Variants in TTN observed in about 807,000 individuals in gnomAD.
TTN encodes the protein titin.
TTN carries 1,525 observed loss-of-function variants against 3,223.0 expected under a neutral mutation model. The ratio of observed to expected loss-of-function variants is 0.47; its 90% CI spans 0.45 to 0.49. The LOEUF is 0.49. Ranked by LOEUF, TTN falls within the 20% of genes least tolerant of loss-of-function variation. The probability of loss-of-function intolerance (pLI) is 0.00; values close to 1 mark genes in which losing one functional copy is unlikely to be tolerated. For missense variants in TTN, 40,786 were observed against 43,424.0 expected, an observed-to-expected ratio of 0.94 and a Z score of 5.40; for synonymous variants, 14,094 against 15,161.0, an observed-to-expected ratio of 0.93 and a Z score of 5.17.
At chr2:178,603,060 A>G (rs981359877) in intron 282 of TTN, among the ~76,000 whole-genome samples, 3 of 152,010 alleles carry the variant, frequency 2.0e-5, no homozygotes, top group Non-Finnish European at 4.4e-5. Flanking sequence ...TAATCCCATA[A>G]CAATCCTTTA....
At chr2:178,762,427 A>C (rs927864416) in intron 43 of TTN, among the ~76,000 whole-genome samples, 5 of 152,146 alleles carry the variant, frequency 3.3e-5, no homozygotes, top group Admixed American at 6.5e-5. Context: ...TTCTCTTTCT[A>C]CCCCAATTGG....
Position 178,790,797 on chromosome 2 carries a change from T to C in TTN, c.1711A>G (p.Thr571Ala), listed in dbSNP as rs957389323. 1.2e-6 allele frequency: 2 copies of C among 1,614,070 alleles called. No individual in the cohort carries two copies. Among genetic ancestry groups the C allele is most frequent in the Non-Finnish European group, 1.7e-6 (2 of 1,180,020 alleles). ...GTTTCTAGTTTTGTGGACTTTGCAG[T>C]GGCAACTACCACCATGGATGCAGCA... ...ITAASMVVVA[T>A]AKSTKLETVP... Residue 571 changes from threonine to alanine, a missense_variant, in exon 11 of 363, where the codon ACT becomes GCT. Transcript: ENST00000589042.
At chr2:178,765,095 G>A (rs543595472) in intron 41 of TTN, among the ~76,000 whole-genome samples, 1 of 152,180 alleles carries the variant, frequency 6.6e-6, no homozygotes, top group African/African-American at 2.4e-5. Context: ...CCCAGTTTCT[G>A]TTTGTGGTGG....
chr2:178,536,488 C>T lies in TTN; in HGVS notation c.100259G>A (p.Gly33420Glu). The T allele has an allele frequency of 6.4e-7, 1 of 1,573,040 alleles. No individual in the cohort carries two copies. Among genetic ancestry groups the T allele is most frequent in the Non-Finnish European group, 8.6e-7 (1 of 1,159,598 alleles). ...GTAGTAATTTCTAATCTTTGCACCTCCATCACTGGCAGGTGGCTTCCAGGC... is the reference window on the plus strand; with the variant it reads ...GTAGTAATTTCTAATCTTTGCACCTTCATCACTGGCAGGTGGCTTCCAGGC... The part of the protein sequence containing the change: ...VVAWKPPASD[G>E]GAKIRNYYLE... Residue 33420 changes from glycine (G) to glutamate (E), a missense_variant, in exon 357 of 363, where the codon GGA becomes GAA. Gly to Glu is a moderately conservative substitution (Grantham distance 98, BLOSUM62 -2). Coordinates refer to ENST00000589042, the MANE Select transcript of TTN (RefSeq NM_001267550.2).
chr2:178,557,220 A>T (rs781010286), intron 329 of TTN, 33 bp downstream of exon 329: 3 of 1,613,116 alleles, frequency 1.9e-6, no homozygotes, highest in Non-Finnish European at 2.5e-6. Flanking sequence ...CATTTTTGTT[A>T]TCAGAACTGC....
At chr2:178,803,858 T>C (rs564986808) in intron 2 of TTN, among the ~76,000 whole-genome samples, 1 of 152,186 alleles carries the variant, frequency 6.6e-6, no homozygotes, top group Non-Finnish European at 1.5e-5. Flanking sequence ...GAACCATCCA[T>C]AAACTGAGTT....
rs750324994 is a variant in TTN at position 178,570,647 on chromosome 2, C to G, written c.75485G>C (p.Ser25162Thr). Residue 25162 changes from serine to threonine, a missense_variant, in exon 326 of 363, where the codon AGC (serine) becomes ACC (threonine). Physicochemically the swap from Ser to Thr is moderately conservative, Grantham distance 58. Coordinates refer to ENST00000589042, the MANE Select transcript of TTN (RefSeq NM_001267550.2). ...LSNTARLEIKSTDFATSLSVK... is the reference protein window; with the variant it reads ...LSNTARLEIKTTDFATSLSVK... ...ACTGAGACTGGTGGCAAAGTCGGTG[C>G]TCTTTATTTCTAATCGAGCTGTGTT... 11 of 1,613,452 alleles carry G rather than the reference C, an allele frequency of 6.8e-6. No homozygotes were observed. The Admixed American group carries it at 1.3e-4, about 20-fold the overall frequency.
rs1327402224 is a variant in TTN at position 178,710,641 on chromosome 2, T to C, written c.28456A>G (p.Ile9486Val). 2.5e-6 allele frequency: 4 copies of C among 1,603,360 alleles called. No individual in the cohort carries two copies. In the African/African-American group the frequency reaches 5.4e-5, roughly 21 times the overall value. Residue 9486 changes from isoleucine to valine, a missense_variant, in exon 98 of 363, where the codon ATA becomes GTA. Coordinates refer to ENST00000589042, the MANE Select transcript of TTN (RefSeq NM_001267550.2). ...CTTGCAAAATAAACGATACCTTTTATATTCAGCTGAGCTGTGCAAGAGTCT... is the reference window on the plus strand; with the variant it reads ...CTTGCAAAATAAACGATACCTTTTACATTCAGCTGAGCTGTGCAAGAGTCT... ...GKDSCTAQLNIKERLIPPSFT... is the reference protein window; with the variant it reads ...GKDSCTAQLNVKERLIPPSFT...
rs141105443 is a variant in TTN at position 178,776,199 on chromosome 2, C to A, written c.5665G>T (p.Val1889Phe). The change falls in exon 28 of 363, where the codon GTT (valine) becomes TTT (phenylalanine). Residue 1889 changes from valine (V) to phenylalanine (F), a missense_variant. Coordinates refer to ENST00000589042, the MANE Select transcript of TTN (RefSeq NM_001267550.2). ...AGGTAATGGATACCATCATAGCGAACTCTGAACCTTTTGCTTTTGCGGATG... is the reference window on the plus strand; with the variant it reads ...AGGTAATGGATACCATCATAGCGAAATCTGAACCTTTTGCTTTTGCGGATG... ...QLIRKSKRFR[V>F]RYDGIHYLDI... 195 of 1,614,048 alleles carry A rather than the reference C, an allele frequency of 1.2e-4. No homozygotes were observed. Among genetic ancestry groups the A allele is most frequent in the Non-Finnish European group, 1.6e-4 (184 of 1,180,014 alleles).
At position 178,651,765 on chromosome 2, in the gene TTN, G is replaced by C. The variant is rs760717569; in HGVS notation, c.39380-16C>G. 2 of 1,611,876 alleles carry C rather than the reference G, an allele frequency of 1.2e-6. No individual in the cohort carries two copies. Among genetic ancestry groups the C allele is most frequent in the Admixed American group, 1.7e-5 (1 of 59,686 alleles). On this transcript the variant is annotated splice_polypyrimidine_tract_variant and intron_variant, in intron 205 of 362. Coordinates refer to ENST00000589042, the MANE Select transcript of TTN (RefSeq NM_001267550.2). ...GGTACGGTCACTAAAGAATTAGAAG[G>C]TATGTTTTAGAAAGAACGAAGATTG...
At chr2:178,667,381 T>C (rs760116250) in intron 161 of TTN, 61 bp downstream of exon 161, 4 of 1,571,408 alleles carry the variant, frequency 2.5e-6, no homozygotes, top group Admixed American at 3.7e-5. Flanking sequence ...ATAAAAAGCA[T>C]GCAATGTTTG....
At position 178,600,846 on chromosome 2, in the gene TTN, G is replaced by C; in HGVS notation, c.56050+8C>G. 1 of 1,612,646 alleles carries C rather than the reference G, an allele frequency of 6.2e-7. No individual in the cohort carries two copies. Among genetic ancestry groups the C allele is most frequent in the South Asian group, 1.1e-5 (1 of 91,038 alleles). On this transcript the variant is annotated splice_region_variant and intron_variant, in intron 288 of 362. Transcript: ENST00000589042. ...GAGGACATTCTTTGTCAGTACATTG[G>C]TACTTACATGTCTGGTCTTTGACAG... is the stretch of plus-strand genomic sequence containing the variant.
Position 178,547,603 on chromosome 2 carries a change from A to C in TTN, c.94023T>G (p.Ile31341Met). 1 of 1,613,878 alleles carries C rather than the reference A, an allele frequency of 6.2e-7. No homozygotes were observed. The highest frequency in any genetic ancestry group is 8.5e-7 in the Non-Finnish European group (1 of 1,179,828). Residue 31341 changes from isoleucine to methionine, a missense_variant, in exon 339 of 363, where the codon ATT becomes ATG. Physicochemically the swap from Ile to Met is conservative, Grantham distance 10. Transcript: ENST00000589042. ...GEPKDGGGTE[I>M]TNYIVEKRES... The stretch of plus-strand genomic sequence containing the variant: ...CACGCTTTTCAACTATGTAATTAGT[A>C]ATTTCAGTGCCTCCTCCATCTTTAG...
intron 322 of TTN, 29 bp from the exon 323 acceptor site, chr2:178,577,927 C>T: frequency 6.3e-7 from 1 of 1,588,152 alleles, no homozygotes; most frequent in Non-Finnish European, 8.6e-7. Context: ...ACCAGTCAAA[C>T]AAATACCAGT....
intron 282 of TTN, 57 bp from the exon 283 acceptor site, chr2:178,602,647 G>C: frequency 5.8e-6 from 8 of 1,376,380 alleles, no homozygotes; most frequent in South Asian, 3.3e-5. Context: ...TGAAGTGCTG[G>C]AGTCTTTTAC....
intron 354 of TTN, 95 bp from the exon 355 acceptor site, chr2:178,538,012 G>T: frequency 9.0e-7 from 1 of 1,111,310 alleles, no homozygotes; most frequent in Non-Finnish European, 1.3e-6. Context: ...CTTATTTACT[G>T]ACACATACCA....
chr2:178,782,462 G>T (rs1279246989), intron 19 of TTN, 35 bp from the exon 20 acceptor site: 8 of 1,613,818 alleles, frequency 5.0e-6, no homozygotes, highest in Non-Finnish European at 4.2e-6. Flanking sequence ...TAGCTTCCGG[G>T]TTGCAATTTG....
chr2:178,628,211 T>G (rs1011681345), intron 240 of TTN, among the ~76,000 whole-genome samples: 1 of 152,070 alleles, frequency 6.6e-6, no homozygotes, highest in African/African-American at 2.4e-5. Context: ...TGTTGTTGTT[T>G]GTTTGTTTGT....
chr2:178,627,112 A>C (rs1431580435), intron 240 of TTN, among the ~76,000 whole-genome samples: 1 of 152,010 alleles, frequency 6.6e-6, no homozygotes, highest in Non-Finnish European at 1.5e-5. Flanking sequence ...CGGTAGGCTT[A>C]TGACCATGAC....
Sources: allele counts gnomAD v4.1 joint callset (sites outside exome capture counted in the v4.1 genomes callset), GRCh38; gene constraint gnomAD v4.1.1; transcripts MANE v1.5; gene names NCBI Gene and HGNC (gene_info 2026-07-23, HGNC 2026-07-21).